Variants in PAPOLG observed in about 807,000 individuals in gnomAD.
PAPOLG encodes the protein PAP-gamma.
A neutral mutation model predicts 99.0 loss-of-function variants in PAPOLG; 40 were observed. That is an observed-to-expected ratio of 0.40 (90% confidence interval 0.31 to 0.53). The LOEUF (loss-of-function observed/expected upper bound fraction) is 0.53, where lower values mean the gene tolerates loss of function less well. Ranked by LOEUF, PAPOLG falls within the 20% of genes least tolerant of loss-of-function variation. The pLI, the probability that PAPOLG is intolerant of heterozygous loss-of-function variation, is 0.41. For missense variants in PAPOLG, 675 were observed against 884.1 expected (o/e 0.76, Z 3.00); for synonymous variants, 310 against 299.3 (o/e 1.04, Z -0.37).
intron 17 of PAPOLG, 96 bp downstream of exon 17, chr2:60,792,385 A>ATT: frequency 8.6e-7 from 1 of 1,158,828 alleles, no homozygotes; most frequent in Non-Finnish European, 1.2e-6. Context: ...GCCTTTTAAA[A>ATT]TTGTTAAAAG....
At chr2:60,761,312 G>A (rs1558674154) in intron 2 of PAPOLG, among the ~76,000 whole-genome samples, 3 of 152,152 alleles carry the variant, frequency 2.0e-5, no homozygotes, top group East Asian at 3.8e-4. Context: ...CTATTAGACA[G>A]AAATTAGCCA....
Position 60,771,533 on chromosome 2 carries a change from T to C in PAPOLG, c.507T>C (p.Phe169=). Reference sequence around the variant, plus strand: ...TCTTTCCAAAGATTGATCTAGTCTTTGCAAGACTGGCAATACAAACCATAT... The same window carrying C: ...TCTTTCCAAAGATTGATCTAGTCTTCGCAAGACTGGCAATACAAACCATAT... ...EFDGIEIDLV[F]ARLAIQTISD... The change falls in exon 7 of 22, where the codon TTT becomes TTC. Residue 169 remains phenylalanine, a synonymous_variant. Transcript: ENST00000238714. 6.3e-7 allele frequency: 1 copy of C among 1,591,658 alleles called. No individual in the cohort carries two copies. Among genetic ancestry groups the C allele is most frequent in the East Asian group, 2.3e-5 (1 of 44,268 alleles).
At position 60,797,114 on chromosome 2, in the gene PAPOLG, A is replaced by G; in HGVS notation, c.2165A>G (p.Asn722Ser). The change falls in exon 22 of 22, where the codon AAC (asparagine) becomes AGC (serine). Residue 722 changes from asparagine (N) to serine (S), a missense_variant. By Grantham distance (46) the Asn-to-Ser change is conservative (BLOSUM62 1). Coordinates refer to ENST00000238714, the MANE Select transcript of PAPOLG (RefSeq NM_022894.4). ...PDSSSPVPAN[N>S]IRVIKNSIRL... Reference sequence around the variant, plus strand: ...TCATCATCTCCAGTTCCAGCAAACAACATCCGTGTCATCAAAAATTCCATT... The same window carrying G: ...TCATCATCTCCAGTTCCAGCAAACAGCATCCGTGTCATCAAAAATTCCATT... 6.2e-7 allele frequency: 1 copy of G among 1,614,090 alleles called. No individual in the cohort carries two copies. Among genetic ancestry groups the G allele is most frequent in the Non-Finnish European group, 8.5e-7 (1 of 1,179,948 alleles).
chr2:60,789,661 T>G (rs1671471823), intron 15 of PAPOLG, among the ~76,000 whole-genome samples: 1 of 152,256 alleles, frequency 6.6e-6, no homozygotes, highest in Admixed American at 6.5e-5. Context: ...AATATCTTAA[T>G]GTATCTGTTA....
intron 10 of PAPOLG, among the ~76,000 whole-genome samples, chr2:60,781,261 G>A (rs759773737): frequency 6.6e-6 from 1 of 152,038 alleles, no homozygotes; most frequent in African/African-American, 2.4e-5. Context: ...GGAGGCTGAG[G>A]CACGAGAATC....
chr2:60,776,348 A>C (rs1362896254), intron 8 of PAPOLG, among the ~76,000 whole-genome samples: 1 of 151,640 alleles, frequency 6.6e-6, no homozygotes, highest in African/African-American at 2.4e-5. Flanking sequence ...TTTGTACAGC[A>C]CAGACAGTAG....
chr2:60,793,428 A>G (rs571590097), intron 17 of PAPOLG, among the ~76,000 whole-genome samples, 199 bp from the exon 18 acceptor site: 37 of 150,444 alleles, frequency 2.5e-4, no homozygotes, highest in African/African-American at 8.3e-4. Context: ...ACCCGATATG[A>G]TGGCACACAC....
At chr2:60,762,141 A>G (rs1670537539) in intron 3 of PAPOLG, among the ~76,000 whole-genome samples, 1 of 152,198 alleles carries the variant, frequency 6.6e-6, no homozygotes, top group Non-Finnish European at 1.5e-5. Context: ...TGTGCACAGC[A>G]GGAAGAGGCT....
At chr2:60,762,908 C>T (rs111939362) in intron 3 of PAPOLG, among the ~76,000 whole-genome samples, 2 of 151,104 alleles carry the variant, frequency 1.3e-5, no homozygotes, top group African/African-American at 2.4e-5. Context: ...ATTACAGCCT[C>T]GAGCCACCGC....
chr2:60,772,930 C>G (rs1212705857), intron 7 of PAPOLG, among the ~76,000 whole-genome samples: 1 of 151,304 alleles, frequency 6.6e-6, no homozygotes, highest in African/African-American at 2.4e-5. Flanking sequence ...CTTTTCTTTT[C>G]TTTTCTTTTT....
rs771668887 is a variant in PAPOLG at position 60,775,025 on chromosome 2, C to G, written c.605-9C>G. On this transcript the variant is annotated splice_polypyrimidine_tract_variant and intron_variant, in intron 7 of 21. Transcript: ENST00000238714. ...GCATAGTGAAAAATGAATGCTTTGTCTTTTTCAGGTTGTAGAGTTACTGAT... is the reference window on the plus strand; with the variant it reads ...GCATAGTGAAAAATGAATGCTTTGTGTTTTTCAGGTTGTAGAGTTACTGAT... 6.2e-7 allele frequency: 1 copy of G among 1,611,540 alleles called. No homozygotes were observed. Among genetic ancestry groups the G allele is most frequent in the South Asian group, 1.1e-5 (1 of 90,102 alleles).
intron 1 of PAPOLG, 64 bp downstream of exon 1, chr2:60,756,559 T>C (rs138458292): frequency 2.6e-6 from 4 of 1,513,018 alleles, no homozygotes; most frequent in Admixed American, 2.0e-5. Flanking sequence ...GGTCCGACTG[T>C]GTCCTTGTTT....
chr2:60,761,847 A>G, intron 3 of PAPOLG, 40 bp downstream of exon 3: 1 of 1,402,874 alleles, frequency 7.1e-7, no homozygotes, highest in Non-Finnish European at 1.0e-6. Flanking sequence ...TTTTTATTAT[A>G]TCTTGGCCAT....
chr2:60,762,491 G>C (rs1484959184), intron 3 of PAPOLG, among the ~76,000 whole-genome samples: 3 of 151,928 alleles, frequency 2.0e-5, no homozygotes, highest in African/African-American at 4.8e-5. Context: ...AAATAATATA[G>C]TACATATTTG....
At position 60,792,301 on chromosome 2, in the gene PAPOLG, T is replaced by C. The variant is rs778842430; in HGVS notation, c.1679+12T>C. 1.1e-5 allele frequency: 17 copies of C among 1,582,682 alleles called. No homozygotes were observed. In the African/African-American group the frequency reaches 2.2e-4, roughly 20 times the overall value. ...GGAGAAACAGAAAGGTCTGTCTTTA[T>C]TTCAAATGTGTCCTTTTGGTTTTCT... On this transcript the variant is annotated intron_variant, in intron 17 of 21. Transcript: ENST00000238714.
chr2:60,758,422 ATTTTTTT>A (rs11340370), intron 1 of PAPOLG, among the ~76,000 whole-genome samples: 1 of 70,078 alleles, frequency 1.4e-5, no homozygotes, highest in Non-Finnish European at 2.6e-5. Flanking sequence ...GCCTAATGAG[ATTTTTTT>A]TTTTTTTTTT....
chr2:60,787,698 C>CTG, intron 15 of PAPOLG, 78 bp downstream of exon 15: 1 of 1,523,024 alleles, frequency 6.6e-7, no homozygotes, highest in Non-Finnish European at 8.9e-7. Flanking sequence ...ATCTGGCTGG[C>CTG]TGTACTTATT....
chr2:60,796,684 C>T (rs769924940), intron 21 of PAPOLG, among the ~76,000 whole-genome samples: 9 of 151,978 alleles, frequency 5.9e-5, no homozygotes, highest in African/African-American at 1.9e-4. Flanking sequence ...TTTCACTTCA[C>T]ACCCCAAGAG....
At chr2:60,779,857 T>TA in intron 9 of PAPOLG, 82 bp downstream of exon 9, 1 of 1,209,742 alleles carries the variant, frequency 8.3e-7, no homozygotes, top group Non-Finnish European at 1.1e-6. Flanking sequence ...GAGCTATACA[T>TA]AGACTTTTTC....
Sources: gnomAD v4.1 joint callset for allele counts (sites outside exome capture counted in the v4.1 genomes callset) on GRCh38, gnomAD v4.1.1 for gene constraint, MANE v1.5 for transcripts, NCBI Gene and HGNC (gene_info 2026-07-23, HGNC 2026-07-21) for gene names.